The following MAML3 variants were observed in gnomAD, a reference collection of about 807,000 sequenced individuals.
MAML3 encodes the protein mastermind like transcriptional coactivator 3.
MAML3 carries 27 observed loss-of-function variants against 101.9 expected under a neutral mutation model. The observed-to-expected ratio is 0.27, with a 90% confidence interval of 0.20 to 0.37. The LOEUF (loss-of-function observed/expected upper bound fraction) is 0.37. Among genes scored for constraint, MAML3 ranks in the 10% least tolerant of loss-of-function variants. The pLI is 1.00. For synonymous variants in MAML3, 501 were observed against 555.9 expected (o/e 0.90, Z 1.39); for missense variants, 1,316 against 1,444.9 (o/e 0.91, Z 1.45).
At chr4:140,003,499 T>C (rs1032593715) in intron 1 of MAML3, among the ~76,000 whole-genome samples, 1 of 152,140 alleles carries the variant, frequency 6.6e-6, no homozygotes, top group African/African-American at 2.4e-5. Flanking sequence ...CCAAGGATGA[T>C]GTCCTTGAGG....
intron 1 of MAML3, among the ~76,000 whole-genome samples, chr4:140,056,263 C>T (rs1560879333): frequency 6.6e-6 from 1 of 152,146 alleles, no homozygotes; most frequent in Non-Finnish European, 1.5e-5. Context: ...TTCCCAAGTA[C>T]TTTCTAAGGG....
At chr4:139,753,129 A>G (rs953506292) in intron 2 of MAML3, among the ~76,000 whole-genome samples, 2 of 152,148 alleles carry the variant, frequency 1.3e-5, no homozygotes, top group African/African-American at 2.4e-5. Context: ...CTCAATTCCT[A>G]TTTTCCTTCT....
intron 1 of MAML3, among the ~76,000 whole-genome samples, chr4:139,913,298 T>C (rs1198195508): frequency 6.6e-6 from 1 of 152,232 alleles, no homozygotes; most frequent in Non-Finnish European, 1.5e-5. Flanking sequence ...TTCTGGATTT[T>C]ATTTCACCTA....
intron 2 of MAML3, among the ~76,000 whole-genome samples, chr4:139,822,225 TCAC>T (rs34942904): frequency 0.31 from 39,476 of 126,398 alleles, 6,999 homozygotes; most frequent in Admixed American, 0.4. Context: ...ATTATCACCA[TCAC>T]CACCACCACC....
intron 1 of MAML3, among the ~76,000 whole-genome samples, chr4:139,901,168 C>T (rs1244653570): frequency 6.6e-6 from 1 of 152,184 alleles, no homozygotes; most frequent in African/African-American, 2.4e-5. Flanking sequence ...CACAGAAAAG[C>T]CTTGTGCTTC....
chr4:140,089,227 G>C (rs1728005340), intron 1 of MAML3, among the ~76,000 whole-genome samples: 1 of 152,134 alleles, frequency 6.6e-6, no homozygotes, highest in South Asian at 2.1e-4. Context: ...TAAAGAAATT[G>C]CATGTCCTAA....
At chr4:139,954,063 G>A (rs956487503) in intron 1 of MAML3, among the ~76,000 whole-genome samples, 1 of 152,196 alleles carries the variant, frequency 6.6e-6, no homozygotes, top group Non-Finnish European at 1.5e-5. Context: ...GTTCACAAGT[G>A]TCAGTTGACT....
intron 1 of MAML3, among the ~76,000 whole-genome samples, chr4:139,992,513 T>C (rs1210838389): frequency 6.6e-6 from 1 of 152,272 alleles, no homozygotes; most frequent in East Asian, 1.9e-4. Flanking sequence ...CAATACTTGT[T>C]ATTGTGTGTC....
intron 1 of MAML3, among the ~76,000 whole-genome samples, chr4:139,978,713 G>A (rs1486407587): frequency 6.6e-6 from 1 of 151,776 alleles, no homozygotes; most frequent in Non-Finnish European, 1.5e-5. Flanking sequence ...TTATCAAAGA[G>A]ACTTGGGTCT....
intron 2 of MAML3, among the ~76,000 whole-genome samples, chr4:139,744,578 T>C (rs931550746): frequency 1.3e-5 from 2 of 152,146 alleles, no homozygotes; most frequent in Non-Finnish European, 1.5e-5. Flanking sequence ...TAAAGTTTGC[T>C]TTCAATTTGA....
At chr4:139,964,258 AT>A (rs2110779647) in intron 1 of MAML3, among the ~76,000 whole-genome samples, 1 of 152,370 alleles carries the variant, frequency 6.6e-6, no homozygotes, top group Admixed American at 6.5e-5. Context: ...CTGTGCAACC[AT>A]AAAAAGGAAT....
chr4:139,730,596 G>T lies in MAML3; in HGVS notation c.2151C>A (p.Gly717=), dbSNP rs754677384. The change falls in exon 3 of 5, where the codon GGC becomes GGA. Residue 717 remains glycine, a synonymous_variant. Coordinates refer to ENST00000509479, the MANE Select transcript of MAML3 (RefSeq NM_018717.5). ...MQSSVPPGSG[G]MVSGASPAGP... is the part of the protein sequence containing the mutation. ...CTGCGGGACTGGCTCCTGAGACCAT[G>T]CCACCTGAGCCTGGGGGCACGGAGG... 6.2e-7 allele frequency: 1 copy of T among 1,610,882 alleles called. No homozygotes were observed. Among genetic ancestry groups the T allele is most frequent in the Non-Finnish European group, 8.5e-7 (1 of 1,178,848 alleles).
intron 2 of MAML3, among the ~76,000 whole-genome samples, chr4:139,748,946 C>A (rs1159546045): frequency 6.6e-6 from 1 of 152,168 alleles, no homozygotes; most frequent in East Asian, 1.9e-4. Context: ...GACCCTGCTT[C>A]TTTGGTGAAT....
chr4:140,059,707 G>A (rs1727411326), intron 1 of MAML3, among the ~76,000 whole-genome samples: 1 of 152,136 alleles, frequency 6.6e-6, no homozygotes, highest in South Asian at 2.1e-4. Context: ...GGAGGCTGGG[G>A]TGAAAACTGA....
intron 1 of MAML3, among the ~76,000 whole-genome samples, chr4:139,923,026 C>T (rs7674026): frequency 0.064 from 9,770 of 152,234 alleles, 992 homozygotes; most frequent in African/African-American, 0.21. Flanking sequence ...GGGAGCTCTG[C>T]TCATGATAGG....
At chr4:139,933,682 C>T (rs1359235697) in intron 1 of MAML3, among the ~76,000 whole-genome samples, 1 of 152,236 alleles carries the variant, frequency 6.6e-6, no homozygotes, top group African/African-American at 2.4e-5. Flanking sequence ...TTGATGTTCA[C>T]AGTCAGGACA....
At position 140,153,630 on chromosome 4, in the gene MAML3, T is replaced by C. The variant is rs1401548640; in HGVS notation, c.-303A>G. The C allele has an allele frequency of 8.2e-6, 3 of 365,294 alleles. No homozygotes were observed. The highest frequency in any genetic ancestry group is 6.3e-5 in the African/African-American group (3 of 47,298). 22.6% of individuals were successfully genotyped at this position (365,294 alleles called of 1,614,324 possible). On this transcript the variant is annotated 5_prime_UTR_variant, in exon 1 of 5. Transcript: ENST00000509479. ...CAAACTGAGCCAGCAGCAAATCGGGTTGCAACTCAAGGGGAGATCCGCTCC... is the reference window on the plus strand; with the variant it reads ...CAAACTGAGCCAGCAGCAAATCGGGCTGCAACTCAAGGGGAGATCCGCTCC...
intron 2 of MAML3, among the ~76,000 whole-genome samples, chr4:139,753,513 TAGG>T (rs894756049): frequency 4.6e-5 from 7 of 152,222 alleles, no homozygotes; most frequent in Non-Finnish European, 1.0e-4. Context: ...CAGAGGCTGG[TAGG>T]AGAACTATTA....
intron 1 of MAML3, among the ~76,000 whole-genome samples, chr4:139,953,506 A>G (rs1175563341): frequency 1.3e-5 from 2 of 152,160 alleles, no homozygotes; most frequent in Non-Finnish European, 2.9e-5. Flanking sequence ...GGTGCCTGTA[A>G]TCCCAGCTAC....
Sources: gnomAD v4.1 joint callset for allele counts (sites outside exome capture counted in the v4.1 genomes callset) on GRCh38, gnomAD v4.1.1 for gene constraint, MANE v1.5 for transcripts, NCBI Gene and HGNC (gene_info 2026-07-23, HGNC 2026-07-21) for gene names.